SAMSN1: variants seen among roughly 807,000 people sequenced by gnomAD.
The protein encoded by SAMSN1 is SAM domain-containing protein SAMSN-1.
A neutral mutation model predicts 42.0 loss-of-function variants in SAMSN1; 31 were observed. That is an observed-to-expected ratio of 0.74 (90% CI 0.55 to 1.00). The LOEUF (loss-of-function observed/expected upper bound fraction) is 1.00, where lower values mean the gene tolerates loss of function less well. Among genes scored for constraint, SAMSN1 ranks in the 50% least tolerant of loss-of-function variants. The probability of loss-of-function intolerance (pLI) is 0.00; values close to 1 mark genes in which losing one functional copy is unlikely to be tolerated. For synonymous variants in SAMSN1, 178 were observed against 151.9 expected, an observed-to-expected ratio of 1.17 and a Z score of -1.26; for missense variants, 464 against 439.4, an observed-to-expected ratio of 1.06 and a Z score of -0.50.
In SAMSN1 at chr21:14,552,242, G is replaced by C. The variant is rs1600926123; in HGVS notation, c.261+29894C>G. 2.0e-5 allele frequency among the ~76,000 whole-genome samples: 3 copies of C among 152,108 alleles called. No homozygotes were observed. The East Asian group carries it at 5.8e-4, about 29-fold the overall frequency. On this transcript the variant is annotated intron_variant, in intron 2 of 8. Transcript: ENST00000285670. ...TAATAATCATTGTCTCTAATTTTAT[G>C]CTTACAAAAATGGGTGTAGGTAATC...
Position 14,644,012 on chromosome 21 carries a change from G to A in SAMSN1, c.25-879C>T, listed in dbSNP as rs543939149. Among the ~76,000 whole-genome samples the A allele has an allele frequency of 3.3e-5, 5 of 152,248 alleles. No homozygotes were observed. In the South Asian group the frequency reaches 1.0e-3, roughly 32 times the overall value. Reference sequence around the variant, plus strand: ...CAGAAGGGAATCTCTGATCCCAATGGTCCAAGGTTGAGTGCCTGCAAACCT... The same window carrying A: ...CAGAAGGGAATCTCTGATCCCAATGATCCAAGGTTGAGTGCCTGCAAACCT... On this transcript the variant is annotated intron_variant, in intron 1 of 15. Transcript: ENST00000647101.
chr21:14,552,901 TTTTCTATA>T (rs1372925832), intron 2 of SAMSN1, among the ~76,000 whole-genome samples: 2 of 152,110 alleles, frequency 1.3e-5, no homozygotes, highest in Non-Finnish European at 2.9e-5. Flanking sequence ...AATATTGTTC[TTTTCTATA>T]TTTCTAAATG....
chr21:14,620,935 C>A lies in SAMSN1; in HGVS notation c.157-4919G>T, dbSNP rs1397438480. 2.0e-5 allele frequency among the ~76,000 whole-genome samples: 3 copies of A among 152,098 alleles called. No homozygotes were observed. The East Asian group carries it at 5.8e-4, about 29-fold the overall frequency. ...CAATTTCTATTTTGTTTAATTCATTCTCTTGCAAAAATGAAGATTGTTCAC... is the reference window on the plus strand; with the variant it reads ...CAATTTCTATTTTGTTTAATTCATTATCTTGCAAAAATGAAGATTGTTCAC... On this transcript the variant is annotated intron_variant, in intron 2 of 15. Transcript: ENST00000647101.
At chr21:14,514,483 G>A (rs1194666743) in intron 3 of SAMSN1, among the ~76,000 whole-genome samples, 1 of 152,078 alleles carries the variant, frequency 6.6e-6, no homozygotes, top group Non-Finnish European at 1.5e-5. Context: ...AAGCAATTAG[G>A]GGATTATGAT....
At chr21:14,638,520 C>T (rs1055436340) in intron 2 of SAMSN1, among the ~76,000 whole-genome samples, 2 of 152,140 alleles carry the variant, frequency 1.3e-5, no homozygotes, top group Admixed American at 6.5e-5. Flanking sequence ...TTGCATTCTA[C>T]TGTCTCCTTT....
chr21:14,597,300 G>T (rs1451022867), intron 6 of SAMSN1, among the ~76,000 whole-genome samples: 1 of 152,014 alleles, frequency 6.6e-6, no homozygotes, highest in Non-Finnish European at 1.5e-5. Flanking sequence ...TGAAAAATTG[G>T]TCCCATTTTG....
At chr21:14,623,169 C>G (rs1055618431) in intron 2 of SAMSN1, among the ~76,000 whole-genome samples, 2 of 152,142 alleles carry the variant, frequency 1.3e-5, no homozygotes, top group Non-Finnish European at 2.9e-5. Context: ...AAAAACATGA[C>G]AAATTGTAAA....
At chr21:14,578,349 C>T (rs904327592) in intron 2 of SAMSN1, among the ~76,000 whole-genome samples, 16 of 152,050 alleles carry the variant, frequency 1.1e-4, no homozygotes, top group African/African-American at 3.6e-4. Flanking sequence ...TGGGAGGCTA[C>T]AGTGGGCTTA....
chr21:14,489,979 A>T (rs116345940), intron 7 of SAMSN1, among the ~76,000 whole-genome samples: 3,367 of 152,268 alleles, frequency 0.022, 47 homozygotes, highest in East Asian at 0.043. Context: ...CTGGATCCTT[A>T]TTCTGGGAAA....
At chr21:14,586,262 C>CAAAAAAAAAAAA (rs67482796), upstream of SAMSN1, among the ~76,000 whole-genome samples, 44 of 50,530 alleles carry the variant, frequency 8.7e-4, no homozygotes, top group African/African-American at 1.8e-3. Flanking sequence ...GACTCCATCT[C>CAAAAAAAAAAAA]AAAAAAAAAA....
chr21:14,575,649 C>G (rs1244348547), intron 2 of SAMSN1, among the ~76,000 whole-genome samples: 1 of 152,200 alleles, frequency 6.6e-6, no homozygotes, highest in African/African-American at 2.4e-5. Flanking sequence ...AGTCTACCTT[C>G]TTCCGGGTGA....
intron 1 of SAMSN1, chr21:14,658,630 GA>G: frequency 1.6e-6 from 1 of 626,114 alleles, no homozygotes; most frequent in South Asian, 1.9e-5. Context: ...TGAACTTTCT[GA>G]GATGCTAAGT....
Position 14,516,799 on chromosome 21 carries a change from A to G in SAMSN1, c.279+93T>C, listed in dbSNP as rs1411250552. ...TGAGGAAGAAAACAAATGCTTAAGT[A>G]CTTCATAAAGTACCAAGCACTTCTA... On this transcript the variant is annotated intron_variant, in intron 3 of 7. Coordinates refer to ENST00000400566, the MANE Select transcript of SAMSN1 (RefSeq NM_022136.5). The G allele has an allele frequency of 6.9e-6, 7 of 1,017,534 alleles. No individual in the cohort carries two copies. The East Asian group carries it at 1.3e-4, about 19-fold the overall frequency. 63.0% of individuals were successfully genotyped at this position (1,017,534 alleles called of 1,614,324 possible).
chr21:14,577,335 G>C (rs1382110230), intron 2 of SAMSN1, among the ~76,000 whole-genome samples: 6 of 126,328 alleles, frequency 4.7e-5, no homozygotes, highest in African/African-American at 1.8e-4. Flanking sequence ...GGATGGTCTC[G>C]ATCTCCTGAC....
chr21:14,601,893 C>G (rs935550518), intron 6 of SAMSN1: 2 of 382,562 alleles, frequency 5.2e-6, no homozygotes, highest in Non-Finnish European at 9.7e-6. Flanking sequence ...AATTATAAAG[C>G]AACCTATAAT....
chr21:14,527,691 G>T (rs1484720361), intron 1 of SAMSN1, among the ~76,000 whole-genome samples: 1 of 150,172 alleles, frequency 6.7e-6, no homozygotes, highest in Middle Eastern at 3.4e-3. Context: ...AGAAGTTGCT[G>T]TGACACTAGA....
At chr21:14,649,102 G>T (rs1251117575) in intron 1 of SAMSN1, among the ~76,000 whole-genome samples, 1 of 152,052 alleles carries the variant, frequency 6.6e-6, no homozygotes, top group African/African-American at 2.4e-5. Context: ...AAAAAAGGAT[G>T]AGTTCATGTC....
chr21:14,527,862 A>T (rs1024530643), intron 1 of SAMSN1, among the ~76,000 whole-genome samples: 1 of 152,032 alleles, frequency 6.6e-6, no homozygotes, highest in Non-Finnish European at 1.5e-5. Context: ...AGTAAAAAAG[A>T]CCCAAATGTA....
intron 1 of SAMSN1, among the ~76,000 whole-genome samples, chr21:14,535,978 A>G (rs1245801287): frequency 2.6e-5 from 4 of 152,178 alleles, no homozygotes; most frequent in Non-Finnish European, 5.9e-5. Flanking sequence ...TGTGGTGACA[A>G]ATGGCTCTCT....
Sources: allele counts gnomAD v4.1 joint callset (sites outside exome capture counted in the v4.1 genomes callset), GRCh38; gene constraint gnomAD v4.1.1; transcripts MANE v1.5; gene names NCBI Gene and HGNC (gene_info 2026-07-23, HGNC 2026-07-21).